APBB2: variants seen among roughly 807,000 people sequenced by gnomAD.
The protein encoded by APBB2 is Fe65-like 1.
Under a neutral mutation model 82.5 loss-of-function variants are expected in APBB2, and 38 were observed. The ratio of observed to expected loss-of-function variants is 0.46; its 90% CI spans 0.36 to 0.60. APBB2 has a LOEUF of 0.60. Ranked by LOEUF, APBB2 falls within the 20% of genes least tolerant of loss-of-function variation. APBB2 has a pLI of 0.00. For missense variants in APBB2, 772 were observed against 972.3 expected, an observed-to-expected ratio of 0.79 and a Z score of 2.74; for synonymous variants, 341 against 368.2, an observed-to-expected ratio of 0.93 and a Z score of 0.85.
chr4:40,901,398 T>C (rs1392655630), intron 10 of APBB2, among the ~76,000 whole-genome samples: 1 of 150,890 alleles, frequency 6.6e-6, no homozygotes, highest in African/African-American at 2.4e-5. Context: ...TCAATAAAGA[T>C]ACCCCTAGGT....
chr4:40,903,312 C>CA (rs916813165), intron 10 of APBB2, among the ~76,000 whole-genome samples: 2 of 150,372 alleles, frequency 1.3e-5, no homozygotes, highest in Admixed American at 6.6e-5. Context: ...AAAAAAAATA[C>CA]AAAAATCAGC....
At chr4:41,070,585 A>G (rs986661646) in intron 3 of APBB2, among the ~76,000 whole-genome samples, 13 of 152,226 alleles carry the variant, frequency 8.5e-5, no homozygotes, top group African/African-American at 1.2e-4. Flanking sequence ...TACAGGCGTG[A>G]GCCACCATGC....
intron 2 of APBB2, among the ~76,000 whole-genome samples, chr4:41,117,091 G>T (rs1247717267): frequency 3.3e-5 from 5 of 151,824 alleles, no homozygotes; most frequent in Non-Finnish European, 7.4e-5. Flanking sequence ...CCCAACTTTA[G>T]GCGATCCCCT....
At chr4:41,080,182 C>A (rs1737091332) in intron 3 of APBB2, among the ~76,000 whole-genome samples, 2 of 152,182 alleles carry the variant, frequency 1.3e-5, no homozygotes, top group South Asian at 4.1e-4. Flanking sequence ...GTAGAAACAT[C>A]AATATTGCTG....
At chr4:41,202,914 A>T (rs1777047913) in intron 1 of APBB2, among the ~76,000 whole-genome samples, 2 of 152,238 alleles carry the variant, frequency 1.3e-5, no homozygotes, top group Non-Finnish European at 2.9e-5. Flanking sequence ...AAAATCATTT[A>T]AATGTTAAGC....
rs1809226175 is a variant in APBB2, at chr4:41,014,210, A to G, written c.208T>C (p.Tyr70His). 1.2e-6 allele frequency: 2 copies of G among 1,613,842 alleles called. No homozygotes were observed. The highest frequency in any genetic ancestry group is 2.2e-5 in the East Asian group (1 of 44,858). Reference protein sequence around the residue: ...NSTPPKCRKKYALTNIQAAMG... With the variant: ...NSTPPKCRKKHALTNIQAAMG... The stretch of plus-strand genomic sequence containing the variant: ...GCCGCCTGGATGTTAGTTAGTGCAT[A>G]TTTTTTCCTGCATTTGGGAGGTGTG... The change falls in exon 6 of 18, where the codon TAT (tyrosine) becomes CAT (histidine). Residue 70 changes from tyrosine (Y) to histidine (H), a missense_variant. Coordinates refer to ENST00000508593, the MANE Select transcript of APBB2 (RefSeq NM_004307.2).
At chr4:41,163,240 T>G (rs1222012325) in intron 1 of APBB2, among the ~76,000 whole-genome samples, 2 of 152,184 alleles carry the variant, frequency 1.3e-5, no homozygotes, top group East Asian at 3.8e-4. Flanking sequence ...GGAAAGAGTA[T>G]GGTAATGATA....
chr4:40,969,710 T>A (rs1391517279), intron 6 of APBB2, among the ~76,000 whole-genome samples: 1 of 152,218 alleles, frequency 6.6e-6, no homozygotes, highest in East Asian at 1.9e-4. Context: ...ACAACATGAC[T>A]TCCAGCTGTA....
intron 12 of APBB2, chr4:40,881,540 T>TTC (rs1230722261): frequency 2.4e-5 from 6 of 255,168 alleles, no homozygotes; most frequent in Non-Finnish European, 3.5e-5. Flanking sequence ...TTTTCTTTTT[T>TTC]TTTTTTTTTT....
chr4:40,823,563 G>T, intron 16 of APBB2, 81 bp downstream of exon 16: 1 of 988,530 alleles, frequency 1.0e-6, no homozygotes, highest in Non-Finnish European at 1.6e-6. Flanking sequence ...CCTTGACTAT[G>T]TTCCTAAGTT....
At chr4:41,000,261 C>CTAAA (rs139090995) in intron 6 of APBB2, among the ~76,000 whole-genome samples, 9,001 of 150,674 alleles carry the variant, frequency 0.06, 905 homozygotes, top group African/African-American at 0.21. Flanking sequence ...GACCCTGTCT[C>CTAAA]TAAATAAATA....
At chr4:40,825,710 C>T (rs560159189) in intron 15 of APBB2, 177 bp downstream of exon 15, 6 of 596,536 alleles carry the variant, frequency 1.0e-5, no homozygotes, top group Admixed American at 5.4e-5. Context: ...GGGGCCTGTC[C>T]CTCTACTCAT....
chr4:41,090,803 C>G (rs1314548135), intron 3 of APBB2, among the ~76,000 whole-genome samples: 1 of 152,128 alleles, frequency 6.6e-6, no homozygotes, highest in Non-Finnish European at 1.5e-5. Flanking sequence ...CTGCATATAA[C>G]AGCTGAAAGT....
chr4:40,866,079 T>C (rs1217148536), intron 12 of APBB2, among the ~76,000 whole-genome samples: 1 of 152,226 alleles, frequency 6.6e-6, no homozygotes, highest in African/African-American at 2.4e-5. Context: ...GCTGTCACCC[T>C]ACAACCCAGT....
intron 12 of APBB2, among the ~76,000 whole-genome samples, chr4:40,860,460 A>G (rs1475525542): frequency 1.3e-5 from 2 of 152,194 alleles, no homozygotes; most frequent in African/African-American, 4.8e-5. Context: ...CGGCAACACC[A>G]GGGAAGTTAT....
At chr4:41,193,233 T>G (rs551884561) in intron 1 of APBB2, among the ~76,000 whole-genome samples, 35 of 152,288 alleles carry the variant, frequency 2.3e-4, no homozygotes, top group Non-Finnish European at 4.1e-4. Flanking sequence ...ACCAACTAAC[T>G]TAACAGTAAA....
intron 12 of APBB2, among the ~76,000 whole-genome samples, chr4:40,852,556 T>C (rs758813338): frequency 2.0e-5 from 3 of 152,040 alleles, no homozygotes; most frequent in African/African-American, 4.8e-5. Flanking sequence ...TGAAAACATC[T>C]TGGAAAAATG....
intron 10 of APBB2, among the ~76,000 whole-genome samples, chr4:40,932,592 G>A (rs1448400292): frequency 6.6e-6 from 1 of 152,072 alleles, no homozygotes; most frequent in South Asian, 2.1e-4. Context: ...TTGGGATTCA[G>A]AACAAATAAA....
At chr4:40,890,599 T>C (rs1426018766) in intron 11 of APBB2, 108 bp from the exon 12 acceptor site, 4 of 1,445,584 alleles carry the variant, frequency 2.8e-6, no homozygotes, top group African/African-American at 1.4e-5. Flanking sequence ...GAAGCCACCC[T>C]GGGGTCTGTA....
Sources: gnomAD v4.1 joint callset for allele counts (sites outside exome capture counted in the v4.1 genomes callset) on GRCh38, gnomAD v4.1.1 for gene constraint, MANE v1.5 for transcripts, NCBI Gene and HGNC (gene_info 2026-07-23, HGNC 2026-07-21) for gene names.